The following KCNT1 variants were observed in gnomAD, a reference collection of about 807,000 sequenced individuals.
KCNT1 encodes the protein potassium channel subfamily T member 1.
A neutral mutation model predicts 147.8 loss-of-function variants in KCNT1; 78 were observed. The ratio of observed to expected loss-of-function variants is 0.53; its 90% CI spans 0.44 to 0.64. The LOEUF (loss-of-function observed/expected upper bound fraction) is 0.64. KCNT1 is among the 30% of genes least tolerant of loss of function. KCNT1 has a pLI of 0.00. For synonymous variants in KCNT1, 867 were observed against 748.8 expected (o/e 1.16, Z -2.58); for missense variants, 1,419 against 1,750.3 (o/e 0.81, Z 3.38).
At chr9:135,723,197 G>A (rs987975698) in intron 2 of KCNT1, among the ~76,000 whole-genome samples, 61 of 152,340 alleles carry the variant, frequency 4.0e-4, no homozygotes, top group African/African-American at 1.4e-3. Flanking sequence ...GCTGGGGGCT[G>A]CAGAGCTCGC....
chr9:135,727,808 G>A (rs936063167), intron 2 of KCNT1, among the ~76,000 whole-genome samples: 17 of 152,194 alleles, frequency 1.1e-4, no homozygotes, highest in African/African-American at 3.9e-4. Context: ...TCTGTGCCAG[G>A]GCCCTTCTCA....
chr9:135,733,901 C>T (rs184085018), intron 2 of KCNT1, among the ~76,000 whole-genome samples: 8 of 151,066 alleles, frequency 5.3e-5, no homozygotes, highest in Non-Finnish European at 1.0e-4. Flanking sequence ...GTCTTCCCCA[C>T]CTTGGGGTGT....
intron 29 of KCNT1, among the ~76,000 whole-genome samples, 183 bp downstream of exon 29, chr9:135,786,704 C>T (rs1834081761): frequency 2.0e-5 from 3 of 152,270 alleles, no homozygotes; most frequent in Admixed American, 6.5e-5. Context: ...CTGTGGGCAC[C>T]ACCACGGCCC....
Position 135,778,449 on chromosome 9 carries a change from A to G in KCNT1, c.2548A>G (p.Ile850Val). Residue 850 changes from isoleucine to valine, a missense_variant, in exon 22 of 31, where the codon ATC becomes GTC. By Grantham distance (29) the Ile-to-Val change is conservative. Coordinates refer to ENST00000371757, the MANE Select transcript of KCNT1 (RefSeq NM_020822.3). The stretch of plus-strand genomic sequence containing the variant: ...GCCCGACCACCACTTCCTGGAAGCC[A>G]TCTGCTGCTTCCCCATGGTCTACTA... Reference protein sequence around the residue: ...NKPDHHFLEAICCFPMVYYME... With the variant: ...NKPDHHFLEAVCCFPMVYYME... 1 of 1,552,694 alleles carries G rather than the reference A, an allele frequency of 6.4e-7. No individual in the cohort carries two copies.
chr9:135,721,731 G>A (rs545161776), intron 2 of KCNT1, among the ~76,000 whole-genome samples: 1 of 152,358 alleles, frequency 6.6e-6, no homozygotes, highest in South Asian at 2.1e-4. Flanking sequence ...TGAGTGAAAT[G>A]CATGTCATGA....
rs565879472 is a variant in KCNT1, at chr9:135,720,333, C to T, written c.254+5613C>T. 2.6e-4 allele frequency among the ~76,000 whole-genome samples: 40 copies of T among 152,170 alleles called. No homozygotes were observed. In the South Asian group the frequency reaches 7.7e-3, roughly 29 times the overall value. On this transcript the variant is annotated intron_variant, in intron 2 of 30. Transcript: ENST00000371757. ...GCGGTGGGGATGTCTCTAGGAACAG[C>T]CCTGCCCTCCGAGCCCTCATCTGTC...
chr9:135,786,720 A>G (rs1834083008), intron 29 of KCNT1, among the ~76,000 whole-genome samples, 199 bp downstream of exon 29: 4 of 152,216 alleles, frequency 2.6e-5, no homozygotes, highest in Admixed American at 2.6e-4. Flanking sequence ...GGCCCAGCAG[A>G]GGCCCCGTGC....
At chr9:135,705,472 G>A (rs1395230874) in intron 1 of KCNT1, among the ~76,000 whole-genome samples, 1 of 152,232 alleles carries the variant, frequency 6.6e-6, no homozygotes, top group Non-Finnish European at 1.5e-5. Context: ...GTGGGCACGT[G>A]TGTGAGAGCT....
At position 135,778,637 on chromosome 9, in the gene KCNT1, G is replaced by A. The variant is rs371791195; in HGVS notation, c.2595-51G>A. 6.3e-5 allele frequency: 101 copies of A among 1,609,796 alleles called. No homozygotes were observed. The African/African-American group carries it at 1.1e-3, about 18-fold the overall frequency. ...TCTGACCAAATCCCGGGGTCCTGTG[G>A]GTGGGGAGTGGGCCGCATCCTCAGC... On this transcript the variant is annotated intron_variant, in intron 22 of 30. Transcript: ENST00000371757.
At chr9:135,790,966 G>C (rs1196431771) in intron 29 of KCNT1, 1 of 152,356 alleles carries the variant, frequency 6.6e-6, no homozygotes, top group African/African-American at 2.4e-5. Context: ...AGATGATGGG[G>C]GGGCTGTCTC....
At chr9:135,763,051 A>C (rs1478033788) in intron 11 of KCNT1, among the ~76,000 whole-genome samples, 2 of 152,228 alleles carry the variant, frequency 1.3e-5, no homozygotes. Flanking sequence ...GAGTGGGACA[A>C]GCTCTGAGCG....
At chr9:135,769,009 A>C in intron 15 of KCNT1, 72 bp downstream of exon 15, 1 of 1,116,604 alleles carries the variant, frequency 9.0e-7, no homozygotes, top group Non-Finnish European at 1.3e-6. Context: ...GTGATGGTGC[A>C]TCTGGGGCAG....
chr9:135,786,112 C>T, intron 28 of KCNT1, 85 bp from the exon 29 acceptor site: 1 of 1,270,288 alleles, frequency 7.9e-7, no homozygotes, highest in Non-Finnish European at 1.1e-6. Context: ...AGAGCCCACA[C>T]CTCTTCCTAA....
chr9:135,757,029 CACTTCCCAG>C (rs1831537898), intron 7 of KCNT1, 97 bp downstream of exon 7: 1 of 1,099,522 alleles, frequency 9.1e-7, no homozygotes, highest in African/African-American at 1.6e-5. Flanking sequence ...TATTTCCCCA[CACTTCCCAG>C]CCTCATCCAC....
At chr9:135,721,529 C>G (rs117770259) in intron 2 of KCNT1, among the ~76,000 whole-genome samples, 5 of 152,132 alleles carry the variant, frequency 3.3e-5, no homozygotes, top group African/African-American at 1.2e-4. Context: ...GTCTCCTGGC[C>G]GGGGGAGGGT....
chr9:135,747,912 G>A (rs1020181339), intron 2 of KCNT1, among the ~76,000 whole-genome samples: 4 of 152,176 alleles, frequency 2.6e-5, no homozygotes, highest in Non-Finnish European at 5.9e-5. Context: ...CCTCTTCCTG[G>A]ACCCTGGACC....
In KCNT1 at chr9:135,791,895, G is replaced by A. The variant is rs765545901; in HGVS notation, c.3587+14G>A. ...CAGTGACATTGTGTGAGTAGCACCT[G>A]TGGGCTGTGTGGAGACCCCCCCTGA... is the stretch of plus-strand genomic sequence containing the variant. On this transcript the variant is annotated intron_variant, in intron 30 of 30. Coordinates refer to ENST00000371757, the MANE Select transcript of KCNT1 (RefSeq NM_020822.3). 3.7e-6 allele frequency: 6 copies of A among 1,612,924 alleles called. No homozygotes were observed. In the Admixed American group the frequency reaches 8.3e-5, roughly 22 times the overall value.
chr9:135,757,384 A>G lies in KCNT1; in HGVS notation c.759+3A>G. ...AGCACGCGCTGGAAAACATGATTGT[A>G]AGCCGGGGCGGGGGGTGCAGCTGGG... On this transcript the variant is annotated splice_donor_region_variant and intron_variant, in intron 9 of 30. Coordinates refer to ENST00000371757, the MANE Select transcript of KCNT1 (RefSeq NM_020822.3). 5 of 1,603,930 alleles carry G rather than the reference A, an allele frequency of 3.1e-6. No homozygotes were observed. In the South Asian group the frequency reaches 5.5e-5, roughly 18 times the overall value.
intron 2 of KCNT1, among the ~76,000 whole-genome samples, chr9:135,749,426 A>G (rs918400898): frequency 2.0e-5 from 3 of 151,896 alleles, no homozygotes; most frequent in African/African-American, 7.2e-5. Flanking sequence ...AGCGGCGTGC[A>G]TGGGGGTTGA....
Sources: gnomAD v4.1 joint callset for allele counts (sites outside exome capture counted in the v4.1 genomes callset) on GRCh38, gnomAD v4.1.1 for gene constraint, MANE v1.5 for transcripts, NCBI Gene and HGNC (gene_info 2026-07-23, HGNC 2026-07-21) for gene names.